Variants in CDKAL1 observed in about 807,000 individuals in gnomAD.
CDKAL1 encodes the protein CDKAL1 threonylcarbamoyladenosine tRNA methylthiotransferase.
A neutral mutation model predicts 68.2 loss-of-function variants in CDKAL1; 32 were observed. The observed-to-expected ratio is 0.47, with a 90% CI of 0.35 to 0.63. The LOEUF is 0.63. Among genes scored for constraint, CDKAL1 ranks in the 30% least tolerant of loss-of-function variants. The pLI, the probability that CDKAL1 is intolerant of heterozygous loss-of-function variation, is 0.00. For missense variants in CDKAL1, 606 were observed against 696.7 expected, an observed-to-expected ratio of 0.87 and a Z score of 1.47; for synonymous variants, 234 against 244.3, an observed-to-expected ratio of 0.96 and a Z score of 0.39.
At chr6:21,179,856 C>T (rs1777723150) in intron 13 of CDKAL1, among the ~76,000 whole-genome samples, 1 of 152,084 alleles carries the variant, frequency 6.6e-6, no homozygotes, top group Non-Finnish European at 1.5e-5. Context: ...ACTGTCTCTA[C>T]AAAACAATAC....
intron 10 of CDKAL1, among the ~76,000 whole-genome samples, chr6:20,975,855 C>T (rs1765820643): frequency 6.6e-6 from 1 of 152,158 alleles, no homozygotes; most frequent in African/African-American, 2.4e-5. Context: ...CATTGCTGTA[C>T]TTTATGGCAC....
Position 21,060,076 on chromosome 6 carries a change from C to T in CDKAL1, c.1056-4972C>T, listed in dbSNP as rs571521416. On this transcript the variant is annotated intron_variant, in intron 11 of 15. Transcript: ENST00000274695. The stretch of plus-strand genomic sequence containing the variant: ...GCTGGACTCTTAAAAGAGTTTCTTT[C>T]TCATCTATCTTTGAAATAGTTTCCA... Among the ~76,000 whole-genome samples the T allele has an allele frequency of 3.4e-5, 5 of 147,434 alleles. No individual in the cohort carries two copies. The South Asian group carries it at 8.7e-4, about 26-fold the overall frequency.
chr6:20,838,962 G>GA (rs1400858610), intron 8 of CDKAL1, among the ~76,000 whole-genome samples: 1 of 148,600 alleles, frequency 6.7e-6, no homozygotes, highest in Non-Finnish European at 1.5e-5. Context: ...GAGACAGAGC[G>GA]AGACTCCATC....
chr6:20,639,641 A>G (rs1164825608), intron 4 of CDKAL1, among the ~76,000 whole-genome samples: 1 of 152,178 alleles, frequency 6.6e-6, no homozygotes, highest in Non-Finnish European at 1.5e-5. Context: ...TAAAGAAAAA[A>G]ATTAATCTAT....
chr6:20,958,748 G>A (rs1040266233), intron 10 of CDKAL1, among the ~76,000 whole-genome samples: 35 of 152,188 alleles, frequency 2.3e-4, no homozygotes, highest in African/African-American at 8.0e-4. Context: ...TTATTGGGAA[G>A]ACAGCCTTCT....
At chr6:20,627,580 T>C (rs545705243) in intron 4 of CDKAL1, among the ~76,000 whole-genome samples, 1 of 152,316 alleles carries the variant, frequency 6.6e-6, no homozygotes, top group African/African-American at 2.4e-5. Flanking sequence ...ACTTCCCCTT[T>C]CCATATAAAT....
At chr6:21,198,458 C>T (rs779469874) in intron 14 of CDKAL1, among the ~76,000 whole-genome samples, 23 of 152,122 alleles carry the variant, frequency 1.5e-4, no homozygotes, top group Non-Finnish European at 2.9e-4. Flanking sequence ...TCTGCATGGG[C>T]GACAGCAGCA....
chr6:20,902,358 C>CACAA (rs769859254), intron 9 of CDKAL1, among the ~76,000 whole-genome samples: 2,496 of 25,488 alleles, frequency 0.098, 51 homozygotes, highest in Middle Eastern at 0.13. Flanking sequence ...CACACACACA[C>CACAA]AATGTGTTTA....
intron 9 of CDKAL1, among the ~76,000 whole-genome samples, chr6:20,950,847 G>A (rs1290609654): frequency 2.0e-5 from 3 of 152,072 alleles, no homozygotes; most frequent in East Asian, 3.9e-4. Context: ...GTGTGCGCCT[G>A]TAATCCCAGC....
chr6:20,906,234 G>GT (rs765965960), intron 9 of CDKAL1, among the ~76,000 whole-genome samples: 1,759 of 145,712 alleles, frequency 0.012, 11 homozygotes, highest in Non-Finnish European at 0.018. Context: ...ATGCATTTAA[G>GT]TTTTTTTTTT....
intron 5 of CDKAL1, among the ~76,000 whole-genome samples, chr6:20,725,801 A>AAAAG (rs1554185817): frequency 1.3e-5 from 2 of 151,506 alleles, no homozygotes; most frequent in African/African-American, 4.8e-5. Context: ...AAAAAAAAAA[A>AAAAG]AAAGAAAAAG....
intron 13 of CDKAL1, among the ~76,000 whole-genome samples, chr6:21,173,359 C>A (rs1373498234): frequency 1.3e-5 from 2 of 151,902 alleles, no homozygotes; most frequent in Non-Finnish European, 1.5e-5. Flanking sequence ...ATTTTTCAAT[C>A]GACTTGTTTG....
chr6:20,751,497 A>G (rs566795935), intron 6 of CDKAL1, among the ~76,000 whole-genome samples: 3 of 152,358 alleles, frequency 2.0e-5, no homozygotes, highest in Non-Finnish European at 2.9e-5. Flanking sequence ...GCATATAAAC[A>G]TTTCCATCAT....
At chr6:20,795,927 A>T (rs964085318) in intron 8 of CDKAL1, among the ~76,000 whole-genome samples, 1 of 152,184 alleles carries the variant, frequency 6.6e-6, no homozygotes, top group African/African-American at 2.4e-5. Context: ...TTTAAAGCTG[A>T]CTTGGCCAGT....
At chr6:21,100,732 T>G (rs1337560098) in intron 12 of CDKAL1, among the ~76,000 whole-genome samples, 2 of 152,210 alleles carry the variant, frequency 1.3e-5, no homozygotes, top group Non-Finnish European at 2.9e-5. Context: ...TTCACATCAT[T>G]GATGTTATAA....
At chr6:20,745,027 G>T (rs1460783808) in intron 6 of CDKAL1, among the ~76,000 whole-genome samples, 2 of 152,182 alleles carry the variant, frequency 1.3e-5, no homozygotes, top group East Asian at 1.9e-4. Context: ...AAATGACAAG[G>T]CTTCCTCATG....
chr6:20,922,151 T>C (rs1244795575), intron 9 of CDKAL1, among the ~76,000 whole-genome samples: 2 of 152,220 alleles, frequency 1.3e-5, no homozygotes, highest in Non-Finnish European at 2.9e-5. Context: ...CTCAAACTTA[T>C]TTGAACCCCA....
intron 5 of CDKAL1, among the ~76,000 whole-genome samples, chr6:20,698,871 TGTCA>T (rs1263894011): frequency 6.6e-6 from 1 of 152,200 alleles, no homozygotes; most frequent in Non-Finnish European, 1.5e-5. Flanking sequence ...TTGGTGTTCC[TGTCA>T]GTGACTCACT....
intron 5 of CDKAL1, among the ~76,000 whole-genome samples, chr6:20,726,150 G>A (rs1772644455): frequency 6.6e-6 from 1 of 151,932 alleles, no homozygotes; most frequent in African/African-American, 2.4e-5. Context: ...GTCTCTAAGG[G>A]TGGCCACCTA....
Sources: gnomAD v4.1 joint callset for allele counts (sites outside exome capture counted in the v4.1 genomes callset) on GRCh38, gnomAD v4.1.1 for gene constraint, MANE v1.5 for transcripts, NCBI Gene and HGNC (gene_info 2026-07-23, HGNC 2026-07-21) for gene names.